Variants in CNTN1 observed in about 807,000 individuals in gnomAD.
CNTN1 encodes the protein contactin 1.
A neutral mutation model predicts 126.4 loss-of-function variants in CNTN1; 38 were observed. The observed-to-expected ratio is 0.30, with a 90% CI of 0.23 to 0.39. CNTN1 has a LOEUF of 0.39. Ranked by LOEUF, CNTN1 falls within the 10% of genes least tolerant of loss-of-function variation. The probability of loss-of-function intolerance (pLI) is 1.00; values close to 1 mark genes in which losing one functional copy is unlikely to be tolerated. For synonymous variants in CNTN1, 413 were observed against 422.6 expected, an observed-to-expected ratio of 0.98 and a Z score of 0.28; for missense variants, 1,009 against 1,248.4, an observed-to-expected ratio of 0.81 and a Z score of 2.89.
intron 12 of CNTN1, among the ~76,000 whole-genome samples, chr12:40,943,346 T>C (rs1380238759): frequency 6.6e-6 from 1 of 151,966 alleles, no homozygotes; most frequent in Non-Finnish European, 1.5e-5. Context: ...TGTCCCATAG[T>C]GGAAGGTCAG....
intron 5 of CNTN1, among the ~76,000 whole-genome samples, chr12:40,923,030 C>T (rs1945505356): frequency 1.4e-5 from 2 of 146,984 alleles, no homozygotes; most frequent in South Asian, 2.2e-4. Context: ...ATCAAAGGGG[C>T]ACTATCACCC....
intron 23 of CNTN1, among the ~76,000 whole-genome samples, chr12:41,059,918 C>G (rs1276820505): frequency 6.6e-6 from 1 of 151,968 alleles, no homozygotes; most frequent in African/African-American, 2.4e-5. Context: ...CCCATCTACT[C>G]AGAAGGCTGA....
chr12:40,946,374 T>C (rs1946434642), intron 14 of CNTN1, among the ~76,000 whole-genome samples: 1 of 152,184 alleles, frequency 6.6e-6, no homozygotes, highest in African/African-American at 2.4e-5. Flanking sequence ...GTCTCTTAAA[T>C]AATGATTTGG....
At chr12:40,763,086 CT>C (rs1938930600) in intron 1 of CNTN1, 1 of 152,320 alleles carries the variant, frequency 6.6e-6, no homozygotes, top group Admixed American at 6.5e-5. Context: ...TTCTCTTCCT[CT>C]CTTTCTAGCC....
chr12:40,972,539 AAATTATTAT>A, intron 15 of CNTN1: 1 of 816,052 alleles, frequency 1.2e-6, no homozygotes, highest in South Asian at 5.6e-5. Context: ...TATAACTCTT[AAATTATTAT>A]ATGTGTGTGT....
chr12:40,984,960 AAT>A (rs1947917937), intron 16 of CNTN1, among the ~76,000 whole-genome samples: 1 of 152,068 alleles, frequency 6.6e-6, no homozygotes, highest in East Asian at 1.9e-4. Context: ...CATCTTTTAT[AAT>A]TACAAAATTA....
At chr12:40,813,209 T>G (rs190407273) in intron 1 of CNTN1, among the ~76,000 whole-genome samples, 6 of 104,606 alleles carry the variant, frequency 5.7e-5, no homozygotes, top group African/African-American at 1.9e-4. Context: ...TAATTTCAGT[T>G]TTTTCTTATT....
intron 20 of CNTN1, among the ~76,000 whole-genome samples, chr12:41,021,349 C>T (rs772940685): frequency 2.7e-4 from 41 of 151,900 alleles, no homozygotes; most frequent in Non-Finnish European, 4.7e-4. Flanking sequence ...CCACCCACCC[C>T]ACTCCCCCAG....
Position 40,899,719 on chromosome 12 carries a change from G to A in CNTN1, c.-76-8638G>A, listed in dbSNP as rs114763130. On this transcript the variant is annotated intron_variant, in intron 1 of 23. Coordinates refer to ENST00000551295, the MANE Select transcript of CNTN1 (RefSeq NM_001843.4). ...ACTTTAGTATGCCTACAAATTTCCC[G>A]GAAAACTTGATTAAAATGAAAATAT... is the stretch of plus-strand genomic sequence containing the variant. Among the ~76,000 whole-genome samples, 1,188 of 152,006 alleles carry A rather than the reference G, an allele frequency of 7.8e-3. 17 individuals are homozygous for A. Among genetic ancestry groups the A allele is most frequent in the African/African-American group, 0.027 (1,110 of 41,462 alleles).
At chr12:40,918,152 C>A (rs745706272) in intron 3 of CNTN1, among the ~76,000 whole-genome samples, 2 of 152,040 alleles carry the variant, frequency 1.3e-5, no homozygotes, top group African/African-American at 2.4e-5. Flanking sequence ...GAAAGTTGTA[C>A]CAAGAATCAT....
At chr12:40,844,069 A>ATTTTTTTTTTTTTTTTATTTTTTTTT (rs397957366) in intron 1 of CNTN1, among the ~76,000 whole-genome samples, 1 of 84,684 alleles carries the variant, frequency 1.2e-5, no homozygotes, top group Non-Finnish European at 2.3e-5. Context: ...TGGCACAATG[A>ATTTTTTTTTTTTTTTTATTTTTTTTT]TTTTTTTTTT....
chr12:40,694,617 T>C (rs773152886), intron 1 of CNTN1, among the ~76,000 whole-genome samples: 1 of 152,212 alleles, frequency 6.6e-6, no homozygotes, highest in Non-Finnish European at 1.5e-5. Flanking sequence ...TATTCGGTTC[T>C]AGTCTGACAT....
In CNTN1 at chr12:40,756,849, TA is replaced by T. The variant is rs892425161; in HGVS notation, c.-77+64258del. On this transcript the variant is annotated intron_variant, in intron 1 of 23. Coordinates refer to ENST00000551295, the MANE Select transcript of CNTN1 (RefSeq NM_001843.4). ...ACTATCTTGTTTATTTATTTGTTTT[TA>T]TATACTGGACACTCCTTCTTAGGGG... Among the ~76,000 whole-genome samples, 83 of 152,294 alleles carry T rather than the reference TA, an allele frequency of 5.4e-4. 1 individual carries two copies. Among genetic ancestry groups the T allele is most frequent in the African/African-American group, 1.8e-3 (74 of 41,574 alleles).
intron 1 of CNTN1, among the ~76,000 whole-genome samples, chr12:40,776,141 T>C (rs538892070): frequency 5.1e-4 from 77 of 151,726 alleles, no homozygotes; most frequent in African/African-American, 1.8e-3. Flanking sequence ...ATTTCTATTC[T>C]TTTTTATTTA....
At chr12:41,061,664 T>A (rs2037305932) in intron 23 of CNTN1, 1 of 346,508 alleles carries the variant, frequency 2.9e-6, no homozygotes, top group Admixed American at 3.9e-5. Flanking sequence ...GCTCAATGCT[T>A]GATATTCTCA....
chr12:40,985,049 C>A (rs1233858334), intron 16 of CNTN1, among the ~76,000 whole-genome samples: 4 of 151,842 alleles, frequency 2.6e-5, no homozygotes, highest in African/African-American at 9.7e-5. Flanking sequence ...ACTTGAAGAA[C>A]TTTAATTTTT....
rs564299909 is a variant in CNTN1 at position 40,823,621 on chromosome 12, CAG to C, written c.-76-84734_-76-84733del. 1.3e-3 allele frequency among the ~76,000 whole-genome samples: 200 copies of C among 152,182 alleles called. 1 individual carries two copies. Among genetic ancestry groups the C allele is most frequent in the African/African-American group, 4.5e-3 (187 of 41,548 alleles). ...AATTTATTAATATGTCAAATATTAA[CAG>C]AAGTCTTTTGTATATGTTTACTTAT... is the stretch of plus-strand genomic sequence containing the variant. On this transcript the variant is annotated intron_variant, in intron 1 of 23. Coordinates refer to ENST00000551295, the MANE Select transcript of CNTN1 (RefSeq NM_001843.4).
intron 1 of CNTN1, among the ~76,000 whole-genome samples, chr12:40,850,065 G>C (rs1394385145): frequency 6.6e-6 from 1 of 151,930 alleles, no homozygotes; most frequent in Non-Finnish European, 1.5e-5. Context: ...ATGTATATTT[G>C]TAAATGCTTG....
At chr12:40,805,544 C>T (rs1940818411) in intron 1 of CNTN1, among the ~76,000 whole-genome samples, 1 of 152,024 alleles carries the variant, frequency 6.6e-6, no homozygotes. Flanking sequence ...CATCTTCCTG[C>T]TTAAATTCTC....
Sources: gnomAD v4.1 joint callset for allele counts (sites outside exome capture counted in the v4.1 genomes callset) on GRCh38, gnomAD v4.1.1 for gene constraint, MANE v1.5 for transcripts, NCBI Gene and HGNC (gene_info 2026-07-23, HGNC 2026-07-21) for gene names.